THRB: variants seen among roughly 807,000 people sequenced by gnomAD.
THRB encodes thyroid hormone receptor beta.
THRB carries 12 observed loss-of-function variants against 47.8 expected under a neutral mutation model. That is an observed-to-expected ratio of 0.25 (90% CI 0.16 to 0.41). THRB has a LOEUF of 0.41. Among genes scored for constraint, THRB ranks in the 10% least tolerant of loss-of-function variants. THRB has a pLI of 1.00. For synonymous variants in THRB, 218 were observed against 212.2 expected (o/e 1.03, Z -0.24); for missense variants, 348 against 589.2 (o/e 0.59, Z 4.24).
At chr3:24,480,699 A>G (rs1166368846) in intron 1 of THRB, among the ~76,000 whole-genome samples, 2 of 152,244 alleles carry the variant, frequency 1.3e-5, no homozygotes. Flanking sequence ...CAAAAGAGCC[A>G]AAATGAAACA....
chr3:24,259,847 A>T lies in THRB; in HGVS notation c.-42-30846T>A, dbSNP rs572903363. Among the ~76,000 whole-genome samples the T allele has an allele frequency of 3.3e-5, 5 of 150,242 alleles. No homozygotes were observed. The South Asian group carries it at 1.0e-3, about 31-fold the overall frequency. Reference sequence around the variant, plus strand: ...TCCTTGTTTTCATCTATACAAATAGATTAATTAAATGTGTGTGTGTGTATG... The same window carrying T: ...TCCTTGTTTTCATCTATACAAATAGTTTAATTAAATGTGTGTGTGTGTATG... On this transcript the variant is annotated intron_variant, in intron 3 of 10. Transcript: ENST00000646209.
intron 5 of THRB, among the ~76,000 whole-genome samples, chr3:24,168,330 A>G (rs1223655648): frequency 1.3e-5 from 2 of 152,014 alleles, no homozygotes; most frequent in Admixed American, 1.3e-4. Context: ...TGTGTCACAA[A>G]TGGGGTAAGC....
intron 1 of THRB, among the ~76,000 whole-genome samples, chr3:24,454,659 G>C (rs771932726): frequency 6.6e-6 from 1 of 152,166 alleles, no homozygotes; most frequent in Non-Finnish European, 1.5e-5. Context: ...ATAAGTTTTA[G>C]ATGAAACTTC....
Position 24,141,646 on chromosome 3 carries a change from A to C in THRB, c.738+1855T>G, listed in dbSNP as rs187130368. On this transcript the variant is annotated intron_variant, in intron 8 of 10. Coordinates refer to ENST00000646209, the MANE Select transcript of THRB (RefSeq NM_001354712.2). ...AAAGGAACAAATCTTTAAAGTCTGGAAAGAAGCACCTTATGACTACTTAAA... is the reference window on the plus strand; with the variant it reads ...AAAGGAACAAATCTTTAAAGTCTGGCAAGAAGCACCTTATGACTACTTAAA... 1.3e-5 allele frequency among the ~76,000 whole-genome samples: 2 copies of C among 152,378 alleles called. 1 individual carries two copies. Among genetic ancestry groups the C allele is most frequent in the Non-Finnish European group, 2.9e-5 (2 of 68,036 alleles).
At chr3:24,493,744 G>A (rs1487370650) in intron 1 of THRB, among the ~76,000 whole-genome samples, 2 of 152,054 alleles carry the variant, frequency 1.3e-5, no homozygotes, top group Non-Finnish European at 2.9e-5. Context: ...GGGGAAACTT[G>A]TACATTTAAA....
chr3:24,439,860 A>G (rs566603037), intron 1 of THRB, among the ~76,000 whole-genome samples: 12 of 152,332 alleles, frequency 7.9e-5, no homozygotes, highest in African/African-American at 2.4e-4. Context: ...CTGTTTGCCC[A>G]TCTGGTCCCT....
chr3:24,249,853 CACA>C (rs774507892), intron 3 of THRB, among the ~76,000 whole-genome samples: 30 of 152,136 alleles, frequency 2.0e-4, no homozygotes, highest in Non-Finnish European at 3.5e-4. Flanking sequence ...TTCATTTATT[CACA>C]ACAACTATTA....
At chr3:24,387,525 C>A (rs1336192438) in intron 1 of THRB, among the ~76,000 whole-genome samples, 5 of 152,144 alleles carry the variant, frequency 3.3e-5, no homozygotes, top group African/African-American at 1.2e-4. Flanking sequence ...GAACACCTAC[C>A]ACCCTGAAAT....
At chr3:24,213,721 C>T (rs1324022357) in intron 4 of THRB, among the ~76,000 whole-genome samples, 1 of 152,140 alleles carries the variant, frequency 6.6e-6, no homozygotes, top group Non-Finnish European at 1.5e-5. Flanking sequence ...AGGATCAGGC[C>T]TGGAAAGTGC....
At chr3:24,488,329 T>C (rs535427433) in intron 1 of THRB, among the ~76,000 whole-genome samples, 7 of 152,350 alleles carry the variant, frequency 4.6e-5, no homozygotes, top group South Asian at 2.1e-4. Context: ...TTCCTAATTG[T>C]GTATGCCTCG....
chr3:24,400,847 G>A (rs1444981024), intron 1 of THRB, among the ~76,000 whole-genome samples: 1 of 151,922 alleles, frequency 6.6e-6, no homozygotes. Flanking sequence ...CTTTCACTGG[G>A]GGACTAAAAT....
At chr3:24,132,654 C>G (rs1030527222) in intron 9 of THRB, among the ~76,000 whole-genome samples, 1 of 152,184 alleles carries the variant, frequency 6.6e-6, no homozygotes, top group African/African-American at 2.4e-5. Flanking sequence ...GTTCAAGTGT[C>G]CCAAAGGGAA....
intron 5 of THRB, among the ~76,000 whole-genome samples, chr3:24,158,902 C>A (rs1301936513): frequency 6.6e-6 from 1 of 151,868 alleles, no homozygotes; most frequent in Non-Finnish European, 1.5e-5. Flanking sequence ...AGTTGTAGAA[C>A]CCTGGTATTG....
At chr3:24,207,892 G>A (rs1291129307) in intron 4 of THRB, among the ~76,000 whole-genome samples, 1 of 152,190 alleles carries the variant, frequency 6.6e-6, no homozygotes, top group African/African-American at 2.4e-5. Context: ...ATTAGGAAAA[G>A]AGGAAGTCAA....
chr3:24,122,731 G>A lies in THRB; in HGVS notation c.*153C>T. 2 of 1,034,460 alleles carry A rather than the reference G, an allele frequency of 1.9e-6. No homozygotes were observed. Among genetic ancestry groups the A allele is most frequent in the Non-Finnish European group, 2.9e-6 (2 of 687,352 alleles). The allele number at this position is 1,034,460 out of a possible 1,614,324, so 64.1% of individuals were successfully genotyped here. A position where few individuals can be genotyped will look rare whatever the true frequency, so the allele number is the denominator to read the frequency against. On this transcript the variant is annotated 3_prime_UTR_variant, in exon 11 of 11. Transcript: ENST00000646209. Reference sequence around the variant, plus strand: ...AGTTTCAAGTACCCGCATTCAAGGGGCAATTTCATCCATGTCTATGCCAAG... The same window carrying A: ...AGTTTCAAGTACCCGCATTCAAGGGACAATTTCATCCATGTCTATGCCAAG...
chr3:24,158,350 G>C (rs1261455276), intron 5 of THRB, among the ~76,000 whole-genome samples: 1 of 143,542 alleles, frequency 7.0e-6, no homozygotes, highest in Non-Finnish European at 1.5e-5. Context: ...CATAAATAAA[G>C]AAATATTTCA....
chr3:24,228,817 C>T, intron 4 of THRB, 121 bp downstream of exon 4: 2 of 909,568 alleles, frequency 2.2e-6, no homozygotes, highest in Non-Finnish European at 3.6e-6. Flanking sequence ...TTTAATAACA[C>T]TTATTGGTTT....
intron 2 of THRB, among the ~76,000 whole-genome samples, chr3:24,321,393 T>C (rs1436953329): frequency 6.6e-6 from 1 of 152,198 alleles, no homozygotes; most frequent in African/African-American, 2.4e-5. Flanking sequence ...AGAATAGTAC[T>C]AATTTTTTTT....
chr3:24,477,012 T>TTTTTTTTTTTTTTTTTTTTTTTTTTC (rs1179304431), intron 1 of THRB, among the ~76,000 whole-genome samples: 2 of 151,490 alleles, frequency 1.3e-5, no homozygotes, highest in African/African-American at 4.9e-5. Context: ...TCAAGATTTT[T>TTTTTTTTTTTTTTTTTTTTTTTTTTC]TTTTTTTTTT....
Sources: gnomAD v4.1 joint callset for allele counts (sites outside exome capture counted in the v4.1 genomes callset) on GRCh38, gnomAD v4.1.1 for gene constraint, MANE v1.5 for transcripts, NCBI Gene and HGNC (gene_info 2026-07-23, HGNC 2026-07-21) for gene names.